CACNA1D: variants seen among roughly 807,000 people sequenced by gnomAD.
CACNA1D encodes the protein voltage-dependent L-type calcium channel subunit alpha-1D.
CACNA1D carries 55 observed loss-of-function variants against 257.1 expected under a neutral mutation model. The ratio of observed to expected loss-of-function variants is 0.21; its 90% confidence interval spans 0.17 to 0.27. The LOEUF (loss-of-function observed/expected upper bound fraction) is 0.27, where lower values mean the gene tolerates loss of function less well. CACNA1D is among the 10% of genes least tolerant of loss of function. CACNA1D has a pLI of 1.00. For missense variants in CACNA1D, 1,876 were observed against 2,784.0 expected, an observed-to-expected ratio of 0.67 and a Z score of 7.34; for synonymous variants, 980 against 1,014.9, an observed-to-expected ratio of 0.97 and a Z score of 0.65.
rs1419721516 is a variant in CACNA1D, at chr3:53,805,123, G to A, written c.5726G>A (p.Arg1909His). The A allele has an allele frequency of 1.9e-6, 3 of 1,613,918 alleles. No individual in the cohort carries two copies. Among genetic ancestry groups the A allele is most frequent in the African/African-American group, 1.3e-5 (1 of 75,004 alleles). Residue 1909 changes from arginine to histidine, a missense_variant, in exon 45 of 48, where the codon CGC (arginine) becomes CAC (histidine). Arg to His is a conservative substitution (Grantham distance 29). This residue lies in a region of CACNA1D where 491 missense variants were observed against 554.3 expected (regional missense o/e 0.89). Coordinates refer to ENST00000350061, the MANE Select transcript of CACNA1D (RefSeq NM_001128840.3). ...GATTCACGGAGATCTCCAAGGAGAC[G>A]CCTACTACCTCCCACCCCAGCATGT... ...CYDSRRSPRRRLLPPTPASHR... is the reference protein window; with the variant it reads ...CYDSRRSPRRHLLPPTPASHR...
At chr3:53,678,972 G>T (rs2094402037) in intron 8 of CACNA1D, 1 of 151,886 alleles carries the variant, frequency 6.6e-6, no homozygotes, top group Non-Finnish European at 1.5e-5. Flanking sequence ...ACTGAGATTA[G>T]ATTTTTCTCT....
chr3:53,711,739 G>A (rs146136630), intron 9 of CACNA1D, among the ~76,000 whole-genome samples: 2 of 152,214 alleles, frequency 1.3e-5, no homozygotes, highest in Non-Finnish European at 1.5e-5. Flanking sequence ...TATCTGAAGA[G>A]GGTTATATTA....
chr3:53,726,622 C>G (rs571242246), intron 14 of CACNA1D, among the ~76,000 whole-genome samples: 1 of 151,968 alleles, frequency 6.6e-6, no homozygotes, highest in South Asian at 2.1e-4. Flanking sequence ...GGCAATAGAG[C>G]GAGACTCCAT....
intron 3 of CACNA1D, among the ~76,000 whole-genome samples, chr3:53,528,564 A>G (rs145512541): frequency 4.3e-4 from 65 of 152,304 alleles, no homozygotes; most frequent in African/African-American, 1.5e-3. Context: ...GTCAATTTCT[A>G]TAAAACAGCC....
At chr3:53,512,258 A>C (rs567726685) in intron 3 of CACNA1D, among the ~76,000 whole-genome samples, 1 of 152,350 alleles carries the variant, frequency 6.6e-6, no homozygotes, top group East Asian at 1.9e-4. Context: ...TCTAAATTAG[A>C]ATGTGGCAAA....
At chr3:53,688,889 G>T (rs989392185) in intron 8 of CACNA1D, among the ~76,000 whole-genome samples, 1 of 152,164 alleles carries the variant, frequency 6.6e-6, no homozygotes, top group African/African-American at 2.4e-5. Flanking sequence ...GTCAGTGGGT[G>T]AGAGTACACC....
chr3:53,730,497 A>G lies in CACNA1D; in HGVS notation c.2277A>G (p.Glu759=), dbSNP rs770074186. The G allele has an allele frequency of 9.9e-6, 16 of 1,614,220 alleles. No individual in the cohort carries two copies. Among genetic ancestry groups the G allele is most frequent in the Non-Finnish European group, 1.4e-5 (16 of 1,180,012 alleles). ...CTGTAGACAATTTGGCTGATGCTGA[A>G]AGTCTGAACACTGCTCAGAAAGAAG... ...AIAVDNLADA[E]SLNTAQKEEA... is the part of the protein sequence containing the mutation. Residue 759 remains glutamate, a synonymous_variant, in exon 16 of 48, where the codon GAA becomes GAG. Transcript: ENST00000350061.
chr3:53,673,654 C>T lies in CACNA1D; in HGVS notation c.1220+528C>T. 2 of 1,287,698 alleles carry T rather than the reference C, an allele frequency of 1.6e-6. No homozygotes were observed. The highest frequency in any genetic ancestry group is 2.3e-5 in the East Asian group (1 of 43,382). 79.8% of individuals were successfully genotyped at this position (1,287,698 alleles called of 1,614,324 possible). On this transcript the variant is annotated intron_variant, in intron 8 of 47. Transcript: ENST00000350061. This position sits in a 1 kb window ranked among gnomAD's most constrained non-coding sequence, Gnocchi z 4.1. ...GCACTGAGAGGTTTGGCAGCTGCAACTGGGGCTCTGCTCTTTAGTAAATGG... is the reference window on the plus strand; with the variant it reads ...GCACTGAGAGGTTTGGCAGCTGCAATTGGGGCTCTGCTCTTTAGTAAATGG...
intron 9 of CACNA1D, among the ~76,000 whole-genome samples, chr3:53,707,277 A>G (rs1290958701): frequency 6.6e-6 from 1 of 152,054 alleles, no homozygotes; most frequent in African/African-American, 2.4e-5. Flanking sequence ...ACTCTTGATT[A>G]ATCTTGGGGT....
chr3:53,497,079 C>A, intron 1 of CACNA1D, 73 bp from the exon 2 acceptor site: 1 of 1,169,238 alleles, frequency 8.6e-7, no homozygotes, highest in Non-Finnish European at 1.3e-6. Flanking sequence ...GGGAGACAAC[C>A]TTTGATTTTT....
At chr3:53,713,478 C>G (rs1184715927) in intron 9 of CACNA1D, among the ~76,000 whole-genome samples, 1 of 150,788 alleles carries the variant, frequency 6.6e-6, no homozygotes, top group Non-Finnish European at 1.5e-5. Context: ...AGGACCCACA[C>G]ATAGACTCAT....
At chr3:53,547,612 A>G (rs549711892) in intron 3 of CACNA1D, among the ~76,000 whole-genome samples, 2 of 152,148 alleles carry the variant, frequency 1.3e-5, no homozygotes, top group East Asian at 3.9e-4. Flanking sequence ...TGGACGTTGC[A>G]TTTGTGTGGG....
chr3:53,617,059 G>A (rs1037605311), intron 3 of CACNA1D, among the ~76,000 whole-genome samples: 48 of 152,128 alleles, frequency 3.2e-4, no homozygotes, highest in African/African-American at 1.1e-3. Flanking sequence ...TGCCTGGAAT[G>A]TTCTCTCTCC....
rs190917040 is a variant in CACNA1D, at chr3:53,624,489, C to G, written c.484-26290C>G. The stretch of plus-strand genomic sequence containing the variant: ...CCCACCACCTTCTCCCGTGCTGAGC[C>G]TTTCCCAGCCAGACAGTGTTTTGAG... On this transcript the variant is annotated intron_variant, in intron 3 of 47. Coordinates refer to ENST00000350061, the MANE Select transcript of CACNA1D (RefSeq NM_001128840.3). 1.4e-4 allele frequency among the ~76,000 whole-genome samples: 22 copies of G among 152,338 alleles called. No individual in the cohort carries two copies. In the East Asian group the frequency reaches 3.3e-3, roughly 23 times the overall value.
intron 9 of CACNA1D, among the ~76,000 whole-genome samples, chr3:53,709,271 A>C (rs2094724520): frequency 1.3e-5 from 2 of 152,158 alleles, no homozygotes; most frequent in African/African-American, 4.8e-5. Context: ...ATTCTTCTTC[A>C]CACAACTCTG....
At chr3:53,499,993 A>G (rs1164253071) in intron 2 of CACNA1D, among the ~76,000 whole-genome samples, 1 of 151,584 alleles carries the variant, frequency 6.6e-6, no homozygotes, top group African/African-American at 2.4e-5. Context: ...GACTGGCTTA[A>G]AAAAAATAAA....
intron 3 of CACNA1D, among the ~76,000 whole-genome samples, chr3:53,526,103 A>T (rs1033007024): frequency 2.0e-5 from 3 of 152,110 alleles, no homozygotes; most frequent in Non-Finnish European, 2.9e-5. Context: ...GTCCTTCCAG[A>T]TGGAGTCTTG....
At chr3:53,777,511 G>C (rs1164115392) in intron 37 of CACNA1D, among the ~76,000 whole-genome samples, 1 of 152,250 alleles carries the variant, frequency 6.6e-6, no homozygotes, top group Non-Finnish European at 1.5e-5. Flanking sequence ...GAAGTGGGAA[G>C]AGATAGGAGC....
At chr3:53,746,515 C>T (rs991972937) in intron 25 of CACNA1D, among the ~76,000 whole-genome samples, 1 of 152,202 alleles carries the variant, frequency 6.6e-6, no homozygotes, top group Admixed American at 6.5e-5. Context: ...AGGCCTGTGT[C>T]TCCCCACCCG....
Sources: allele counts gnomAD v4.1 joint callset (sites outside exome capture counted in the v4.1 genomes callset), GRCh38; gene constraint gnomAD v4.1.1; regional missense constraint gnomAD v4.1.1; non-coding constraint Gnocchi (gnomAD v3.1); transcripts MANE v1.5; gene names NCBI Gene and HGNC (gene_info 2026-07-23, HGNC 2026-07-21).